The following CRISPLD2 variants were observed in gnomAD, a reference collection of about 807,000 sequenced individuals.
CRISPLD2 encodes cysteine-rich secretory protein LCCL domain-containing 2.
Under a neutral mutation model 71.1 loss-of-function variants are expected in CRISPLD2, and 47 were observed. That is an observed-to-expected ratio of 0.66 (90% CI 0.52 to 0.84). CRISPLD2 has a LOEUF of 0.84. Among genes scored for constraint, CRISPLD2 ranks in the 40% least tolerant of loss-of-function variants. The pLI is 0.00. For synonymous variants in CRISPLD2, 317 were observed against 250.1 expected (o/e 1.27, Z -2.52); for missense variants, 830 against 651.1 (o/e 1.27, Z -2.99).
chr16:84,849,348 A>G (rs1597456942), intron 3 of CRISPLD2, 37 bp from the exon 4 acceptor site: 1 of 1,571,862 alleles, frequency 6.4e-7, no homozygotes, highest in Non-Finnish European at 8.7e-7. Context: ...GGGTGAGGGG[A>G]GGGGCTGGGA....
At position 84,838,404 on chromosome 16, in the gene CRISPLD2, C is replaced by T; in HGVS notation, c.-74-18C>T. On this transcript the variant is annotated intron_variant, in intron 1 of 14. Coordinates refer to ENST00000262424, the MANE Select transcript of CRISPLD2 (RefSeq NM_031476.4). ...CCTACTAATGCGACTTCTCCCACCA[C>T]CCTCTGCTTCCTTTCAGAGCTCAAG... is the stretch of plus-strand genomic sequence containing the variant. The T allele has an allele frequency of 1.3e-6, 2 of 1,498,736 alleles. No homozygotes were observed. The highest frequency in any genetic ancestry group is 1.4e-5 in the African/African-American group (1 of 72,166). The allele number at this position is 1,498,736 out of a possible 1,614,324, so 92.8% of individuals were successfully genotyped here.
chr16:84,875,414 CTTTT>C (rs34028519), intron 11 of CRISPLD2, among the ~76,000 whole-genome samples: 9 of 87,780 alleles, frequency 1.0e-4, no homozygotes, highest in African/African-American at 4.4e-4. Context: ...TATGCATGGA[CTTTT>C]TTTTTTTTTT....
In CRISPLD2 at chr16:84,869,563, C is replaced by T. The variant is rs145908060; in HGVS notation, c.914+652C>T. The stretch of plus-strand genomic sequence containing the variant: ...TGTGATGAGATGGACTTGGAGCAGC[C>T]GGGATGAGGCGGCTCAGTGGGCTCA... On this transcript the variant is annotated intron_variant, in intron 8 of 14. Coordinates refer to ENST00000262424, the MANE Select transcript of CRISPLD2 (RefSeq NM_031476.4). 2.2e-4 allele frequency among the ~76,000 whole-genome samples: 34 copies of T among 152,280 alleles called. No individual in the cohort carries two copies. The East Asian group carries it at 5.2e-3, about 23-fold the overall frequency.
intron 5 of CRISPLD2, among the ~76,000 whole-genome samples, 197 bp downstream of exon 5, chr16:84,850,880 C>G (rs575886874): frequency 2.0e-5 from 3 of 152,170 alleles, no homozygotes; most frequent in African/African-American, 4.8e-5. Flanking sequence ...GTCTTCCTGC[C>G]GTACCATTCT....
chr16:84,887,256 C>A (rs1280270510), intron 13 of CRISPLD2, among the ~76,000 whole-genome samples: 1 of 152,192 alleles, frequency 6.6e-6, no homozygotes, highest in Non-Finnish European at 1.5e-5. Context: ...TAAGCTCAGA[C>A]CTGCTGGTGG....
chr16:84,889,180 C>A (rs772879719), intron 13 of CRISPLD2, 50 bp from the exon 14 acceptor site: 115 of 1,612,624 alleles, frequency 7.1e-5, no homozygotes, highest in Non-Finnish European at 9.3e-5. Flanking sequence ...CTGGCTTGAC[C>A]CATGAGCTGG....
chr16:84,852,345 AGGC>A (rs1567688055), intron 5 of CRISPLD2, among the ~76,000 whole-genome samples: 1 of 151,602 alleles, frequency 6.6e-6, no homozygotes, highest in Non-Finnish European at 1.5e-5. Flanking sequence ...CATGCCCCAG[AGGC>A]TCTCTCGTGC....
intron 1 of CRISPLD2, among the ~76,000 whole-genome samples, chr16:84,834,259 C>T (rs113615095): frequency 4.3e-4 from 66 of 152,358 alleles, no homozygotes; most frequent in Non-Finnish European, 7.9e-4. Flanking sequence ...CCCCTTCGCC[C>T]TGAGGGTTGC....
At chr16:84,824,869 C>G (rs968152328) in intron 1 of CRISPLD2, among the ~76,000 whole-genome samples, 3 of 150,660 alleles carry the variant, frequency 2.0e-5, no homozygotes, top group African/African-American at 7.3e-5. Flanking sequence ...CTTTGGGAGG[C>G]TGAGACGGTG....
intron 14 of CRISPLD2, among the ~76,000 whole-genome samples, chr16:84,890,008 C>G (rs1320441292): frequency 6.6e-6 from 1 of 152,052 alleles, no homozygotes; most frequent in Non-Finnish European, 1.5e-5. Context: ...AATCATAAAC[C>G]CTGCCCCACA....
At chr16:84,854,936 G>A (rs1917195673) in intron 6 of CRISPLD2, 107 bp downstream of exon 6, 8 of 830,640 alleles carry the variant, frequency 9.6e-6, no homozygotes, top group South Asian at 5.8e-5. Flanking sequence ...CACCCCTCCT[G>A]GCCCTATTTA....
chr16:84,902,320 G>C (rs766666998), intron 14 of CRISPLD2, among the ~76,000 whole-genome samples: 8 of 151,920 alleles, frequency 5.3e-5, no homozygotes, highest in African/African-American at 1.9e-4. Flanking sequence ...GAGTACAAAC[G>C]ATGAACAGGC....
intron 1 of CRISPLD2, among the ~76,000 whole-genome samples, chr16:84,822,636 G>A (rs1177749459): frequency 6.6e-6 from 1 of 152,186 alleles, no homozygotes; most frequent in Non-Finnish European, 1.5e-5. Context: ...CGGGCTGACG[G>A]CTTGTCAGGA....
chr16:84,865,451 T>C (rs1044079055), intron 6 of CRISPLD2, among the ~76,000 whole-genome samples: 4 of 152,172 alleles, frequency 2.6e-5, no homozygotes, highest in African/African-American at 4.8e-5. Context: ...CCACCACACC[T>C]GGCCCTGAAA....
chr16:84,888,905 T>G (rs1258389533), intron 13 of CRISPLD2, among the ~76,000 whole-genome samples: 3 of 152,222 alleles, frequency 2.0e-5, no homozygotes, highest in Non-Finnish European at 4.4e-5. Context: ...CTACCTCATT[T>G]GTGTATTTAT....
chr16:84,875,414 C>CTTTTTTTTTTTTTTTTTTTTTTTTTTTTT lies in CRISPLD2; in HGVS notation c.1156+1474_1156+1475insTTTTTTTTTTTTTTTTTTTTTTTTTTTTT, dbSNP rs34028519. ...GAGAAACATGAGATTTATGCATGGACTTTTTTTTTTTTTTTTTTTTTTTGT... is the reference window on the plus strand; with the variant it reads ...GAGAAACATGAGATTTATGCATGGACTTTTTTTTTTTTTTTTTTTTTTTTTTTTTTTTTTTTTTTTTTTTTTTTTTTTGT... On this transcript the variant is annotated intron_variant, in intron 11 of 14. Transcript: ENST00000262424. 1.5e-4 allele frequency among the ~76,000 whole-genome samples: 13 copies of CTTTTTTTTTTTTTTTTTTTTTTTTTTTTT among 87,772 alleles called. 1 individual carries two copies. Among genetic ancestry groups the CTTTTTTTTTTTTTTTTTTTTTTTTTTTTT allele is most frequent in the African/African-American group, 6.7e-4 (12 of 17,984 alleles). 57.6% of individuals were successfully genotyped at this position (87,772 alleles called of 152,430 possible).
rs543127836 is a variant in CRISPLD2, at chr16:84,873,900, T to G, written c.1113-20T>G. On this transcript the variant is annotated intron_variant, in intron 10 of 14. Coordinates refer to ENST00000262424, the MANE Select transcript of CRISPLD2 (RefSeq NM_031476.4). ...TGCATTTACCTAATGCCCGTTTTTT[T>G]TTTTTTTTTTTTTAAACAGCAAATA... is the stretch of plus-strand genomic sequence containing the variant. The G allele has an allele frequency of 2.3e-4, 355 of 1,568,138 alleles. No homozygotes were observed. The highest frequency in any genetic ancestry group is 1.1e-3 in the South Asian group (92 of 83,782).
intron 13 of CRISPLD2, among the ~76,000 whole-genome samples, 174 bp from the exon 14 acceptor site, chr16:84,889,056 A>T (rs1317777061): frequency 6.6e-6 from 1 of 152,240 alleles, no homozygotes; most frequent in African/African-American, 2.4e-5. Flanking sequence ...CATGATGTCC[A>T]GTCTCTCTGG....
intron 1 of CRISPLD2, among the ~76,000 whole-genome samples, chr16:84,830,354 G>T: frequency 6.6e-6 from 1 of 152,020 alleles, no homozygotes; most frequent in Non-Finnish European, 1.5e-5. Context: ...AGTAAAAAAT[G>T]GATTGCGAAC....
Sources: gnomAD v4.1 joint callset for allele counts (sites outside exome capture counted in the v4.1 genomes callset) on GRCh38, gnomAD v4.1.1 for gene constraint, MANE v1.5 for transcripts, NCBI Gene and HGNC (gene_info 2026-07-23, HGNC 2026-07-21) for gene names.